RNF44: variants seen among roughly 807,000 people sequenced by gnomAD.
RNF44 encodes the protein ring finger protein 44.
RNF44 carries 25 observed loss-of-function variants against 53.6 expected under a neutral mutation model. That is an observed-to-expected ratio of 0.47 (90% CI 0.34 to 0.65). The LOEUF (loss-of-function observed/expected upper bound fraction) is 0.65, where lower values mean the gene tolerates loss of function less well. Among genes scored for constraint, RNF44 ranks in the 30% least tolerant of loss-of-function variants. The probability of loss-of-function intolerance (pLI) is 0.01; values close to 1 mark genes in which losing one functional copy is unlikely to be tolerated. For missense variants in RNF44, 581 were observed against 595.5 expected, an observed-to-expected ratio of 0.98 and a Z score of 0.25; for synonymous variants, 282 against 252.2, an observed-to-expected ratio of 1.12 and a Z score of -1.12.
In RNF44 at chr5:176,528,934, G is replaced by C; in HGVS notation, c.*94C>G. On this transcript the variant is annotated 3_prime_UTR_variant, in exon 11 of 11. Transcript: ENST00000274811. Reference sequence around the variant, plus strand: ...AAATGCAGGCAGGAGCGAAGGGGCAGGCCTGGGCCACTCCCTCCCCATCCT... The same window carrying C: ...AAATGCAGGCAGGAGCGAAGGGGCACGCCTGGGCCACTCCCTCCCCATCCT... The C allele has an allele frequency of 8.0e-7, 1 of 1,245,744 alleles. No individual in the cohort carries two copies. The highest frequency in any genetic ancestry group is 2.0e-5 in the Admixed American group (1 of 50,100). 77.2% of individuals were successfully genotyped at this position (1,245,744 alleles called of 1,614,324 possible).
chr5:176,541,826 G>A (rs73341044), upstream of RNF44, among the ~76,000 whole-genome samples: 17,530 of 152,194 alleles, frequency 0.12, 2,194 homozygotes, highest in African/African-American at 0.32. Context: ...TGGAGCTGGC[G>A]GGACACAGAG....
At chr5:176,532,763 A>AAAAAAAAAAAAAAG (rs1358353368) in intron 1 of RNF44, among the ~76,000 whole-genome samples, 1 of 141,888 alleles carries the variant, frequency 7.0e-6, no homozygotes, top group African/African-American at 2.8e-5. Flanking sequence ...AAAAAAAAAA[A>AAAAAAAAAAAAAAG]AAAGAAAGAA....
chr5:176,533,894 C>T (rs552775868), intron 1 of RNF44, among the ~76,000 whole-genome samples: 56 of 152,306 alleles, frequency 3.7e-4, no homozygotes, highest in South Asian at 8.3e-4. Flanking sequence ...CAGGGAGGCT[C>T]GTTCCATCCC....
chr5:176,543,358 G>T, the RNF44 span, among the ~76,000 whole-genome samples: 3 of 148,976 alleles, frequency 2.0e-5, no homozygotes, highest in South Asian at 6.2e-4. The surrounding 1 kb of genome is among the most constrained non-coding windows in gnomAD (Gnocchi z 4.0). Context: ...CGCGCCGCCT[G>T]CCGCGGCCCC....
intron 1 of RNF44, among the ~76,000 whole-genome samples, chr5:176,535,297 T>C (rs1757052471): frequency 6.6e-6 from 1 of 152,174 alleles, no homozygotes; most frequent in African/African-American, 2.4e-5. Context: ...AAGTTTGAAC[T>C]TAGCTTGGGT....
At chr5:176,530,047 C>A in intron 7 of RNF44, 35 bp downstream of exon 7, 4 of 1,354,026 alleles carry the variant, frequency 3.0e-6, no homozygotes, top group Non-Finnish European at 3.8e-6. Context: ...GAGAACAGGG[C>A]ATCAGGGACC....
Position 176,532,068 on chromosome 5 carries a change from C to T in RNF44, c.233G>A (p.Gly78Glu). The T allele has an allele frequency of 6.2e-7, 1 of 1,607,924 alleles. No homozygotes were observed. Among genetic ancestry groups the T allele is most frequent in the African/African-American group, 1.3e-5 (1 of 74,704 alleles). ...GGCTGGGTGCAGCATTCGGGGGCTC[C>T]CGCCGGCAGGAGCCGAGGCTCGGCG... ...EERRASAPAGGSPRMLHPATQ... is the reference protein window; with the variant it reads ...EERRASAPAGESPRMLHPATQ... The change falls in exon 3 of 11, where the codon GGG (glycine) becomes GAG (glutamate). Residue 78 changes from glycine to glutamate, a missense_variant. Transcript: ENST00000274811.
Position 176,531,169 on chromosome 5 carries a change from G to T in RNF44, c.466-148C>A. The stretch of plus-strand genomic sequence containing the variant: ...GAAACCCTGTGGAAGGCCCATCCCT[G>T]TCCTAGGCCACCCAGGCAGGACACT... On this transcript the variant is annotated intron_variant, in intron 4 of 10. Transcript: ENST00000274811. The surrounding 1 kb of genome is among the most constrained non-coding windows in gnomAD (Gnocchi z 4.2). The T allele has an allele frequency of 1.6e-6, 1 of 643,256 alleles. No homozygotes were observed. Among genetic ancestry groups the T allele is most frequent in the Non-Finnish European group, 2.5e-6 (1 of 395,310 alleles). 39.8% of individuals were successfully genotyped at this position (643,256 alleles called of 1,614,324 possible).
chr5:176,535,798 G>C (rs1241206898), intron 1 of RNF44, among the ~76,000 whole-genome samples: 1 of 152,190 alleles, frequency 6.6e-6, no homozygotes, highest in Non-Finnish European at 1.5e-5. Flanking sequence ...TGGCCAGGTG[G>C]CCTCCCCTAA....
At chr5:176,529,180 C>A in intron 10 of RNF44, 90 bp from the exon 11 acceptor site, 2 of 1,561,672 alleles carry the variant, frequency 1.3e-6, no homozygotes, top group Non-Finnish European at 1.8e-6. Flanking sequence ...TCCGCTGGAG[C>A]CAGAACTTCC....
At position 176,531,853 on chromosome 5, in the gene RNF44, C is replaced by A; in HGVS notation, c.297+151G>T. The A allele has an allele frequency of 2.1e-6, 2 of 944,778 alleles. No homozygotes were observed. Among genetic ancestry groups the A allele is most frequent in the Non-Finnish European group, 3.1e-6 (2 of 641,094 alleles). The allele number at this position is 944,778 out of a possible 1,614,324, so 58.5% of individuals were successfully genotyped here. A position where few individuals can be genotyped will look rare whatever the true frequency, so the allele number is the denominator to read the frequency against. On this transcript the variant is annotated intron_variant, in intron 3 of 10. Coordinates refer to ENST00000274811, the MANE Select transcript of RNF44 (RefSeq NM_014901.5). This position sits in a 1 kb window ranked among gnomAD's most constrained non-coding sequence, Gnocchi z 4.2. ...TAGTCACCCAGTGTGGCCCTTTCCC[C>A]GGGCCTCAGTTTACCTACCTGTAAA... is the stretch of plus-strand genomic sequence containing the variant.
upstream of RNF44, among the ~76,000 whole-genome samples, chr5:176,539,721 A>C (rs1757403839): frequency 1.3e-5 from 2 of 150,850 alleles, no homozygotes; most frequent in Non-Finnish European, 2.9e-5. Flanking sequence ...ATTTGAAGGT[A>C]CCTACATATT....
chr5:176,543,090 C>T, the RNF44 span, among the ~76,000 whole-genome samples: 2 of 151,734 alleles, frequency 1.3e-5, no homozygotes, highest in East Asian at 3.9e-4. This position sits in a 1 kb window ranked among gnomAD's most constrained non-coding sequence, Gnocchi z 4.0. Context: ...AGCGGCGCAG[C>T]TCCCGCTGCC....
At chr5:176,530,816 C>A (rs556255399) in intron 5 of RNF44, 32 bp downstream of exon 5, 113 of 1,458,896 alleles carry the variant, frequency 7.7e-5, no homozygotes, top group Non-Finnish European at 8.7e-5. Flanking sequence ...CCCACGCCAT[C>A]TCCCTCCAGC....
At chr5:176,529,701 C>G (rs1428304413) in intron 8 of RNF44, 30 bp downstream of exon 8, 9 of 1,610,448 alleles carry the variant, frequency 5.6e-6, no homozygotes, top group African/African-American at 1.3e-5. Context: ...TCTCCCAAAC[C>G]CCACCTCCCA....
intron 1 of RNF44, among the ~76,000 whole-genome samples, chr5:176,536,490 T>TG (rs1757188110): frequency 2.0e-5 from 3 of 151,894 alleles, no homozygotes; most frequent in South Asian, 4.2e-4. Context: ...GGCATAGTGC[T>TG]GGGGGGCCGA....
At chr5:176,540,961 G>A (rs1757434275), upstream of RNF44, among the ~76,000 whole-genome samples, 2 of 152,228 alleles carry the variant, frequency 1.3e-5, no homozygotes, top group African/African-American at 2.4e-5. Context: ...GTCACTGATG[G>A]ATCTTAGGCT....
Position 176,527,081 on chromosome 5 carries a change from T to C in RNF44, c.*1947A>G, listed in dbSNP as rs1756092620. 6.6e-6 allele frequency: 1 copy of C among 152,092 alleles called. No homozygotes were observed. Among genetic ancestry groups the C allele is most frequent in the African/African-American group, 2.4e-5 (1 of 41,352 alleles). The allele number at this position is 152,092 out of a possible 1,614,324, so 9.4% of individuals were successfully genotyped here. On this transcript the variant is annotated 3_prime_UTR_variant, in exon 11 of 11. Transcript: ENST00000274811. ...ATATTTCTACATATATATGTAATTT[T>C]ATATATATATAAAACCTTTCTAACA... is the stretch of plus-strand genomic sequence containing the variant.
At position 176,531,421 on chromosome 5, in the gene RNF44, G is replaced by C. The variant is rs937602052; in HGVS notation, c.465+42C>G. 1.3e-6 allele frequency: 2 copies of C among 1,529,554 alleles called. No homozygotes were observed. Among genetic ancestry groups the C allele is most frequent in the Admixed American group, 2.0e-5 (1 of 50,346 alleles). The allele number at this position is 1,529,554 out of a possible 1,614,324, so 94.7% of individuals were successfully genotyped here. ...CGCTGAGCCGCTGGCCTGTGCCTGG[G>C]GCTTGCAGCTGGTGGAGGAGGAGCT... On this transcript the variant is annotated intron_variant, in intron 4 of 10. Transcript: ENST00000274811. The surrounding 1 kb of genome is among the most constrained non-coding windows in gnomAD (Gnocchi z 4.2).
Sources: allele counts gnomAD v4.1 joint callset (sites outside exome capture counted in the v4.1 genomes callset), GRCh38; gene constraint gnomAD v4.1.1; non-coding constraint Gnocchi (gnomAD v3.1); transcripts MANE v1.5; gene names NCBI Gene and HGNC (gene_info 2026-07-23, HGNC 2026-07-21).